Variants in HSF2BP observed in about 807,000 individuals in gnomAD.
HSF2BP encodes the protein heat shock factor 2-binding protein.
In HSF2BP, 35 loss-of-function variants were observed where a neutral mutation model predicts 35.0. The observed-to-expected ratio is 1.00, with a 90% confidence interval of 0.76 to 1.32. The LOEUF is 1.32. HSF2BP is among the 40% of genes most tolerant of loss of function. The pLI, the probability that HSF2BP is intolerant of heterozygous loss-of-function variation, is 0.00. For missense variants in HSF2BP, 326 were observed against 321.7 expected (o/e 1.01, Z -0.10); for synonymous variants, 114 against 117.4 (o/e 0.97, Z 0.18).
chr21:43,605,779 C>T (rs2082128192), intron 7 of HSF2BP, among the ~76,000 whole-genome samples: 1 of 151,756 alleles, frequency 6.6e-6, no homozygotes, highest in Non-Finnish European at 1.5e-5. Context: ...CACACATTCC[C>T]TCACACTCAC....
intron 8 of HSF2BP, among the ~76,000 whole-genome samples, chr21:43,573,930 G>C (rs955904173): frequency 6.6e-6 from 1 of 152,204 alleles, no homozygotes; most frequent in Admixed American, 6.5e-5. Context: ...TTGGAAACTA[G>C]GAAGAAGTCA....
chr21:43,578,191 C>T (rs980503957), intron 8 of HSF2BP, among the ~76,000 whole-genome samples: 5 of 152,112 alleles, frequency 3.3e-5, no homozygotes, highest in Admixed American at 1.3e-4. Flanking sequence ...AACCCATCAC[C>T]GGCACACAGT....
chr21:43,611,928 T>C (rs1300530748), intron 7 of HSF2BP, among the ~76,000 whole-genome samples: 1 of 152,126 alleles, frequency 6.6e-6, no homozygotes, highest in Non-Finnish European at 1.5e-5. Flanking sequence ...GTTTATAAAT[T>C]CCTGGCCTCA....
chr21:43,608,342 G>GA (rs1056002734), intron 7 of HSF2BP, among the ~76,000 whole-genome samples: 6 of 151,960 alleles, frequency 3.9e-5, no homozygotes, highest in Non-Finnish European at 8.8e-5. Context: ...AACGAAACAT[G>GA]AAAAAATGCC....
At chr21:43,599,883 AAGT>A (rs2082031413) in intron 7 of HSF2BP, among the ~76,000 whole-genome samples, 3 of 151,652 alleles carry the variant, frequency 2.0e-5, no homozygotes, top group Non-Finnish European at 4.4e-5. Flanking sequence ...AAAAAAAAAA[AAGT>A]AGGCAAATTC....
chr21:43,617,661 T>C (rs968293595), intron 6 of HSF2BP, among the ~76,000 whole-genome samples: 4 of 151,924 alleles, frequency 2.6e-5, no homozygotes, highest in African/African-American at 9.7e-5. Context: ...ATTACATAAT[T>C]CAAGAAATGG....
intron 7 of HSF2BP, among the ~76,000 whole-genome samples, chr21:43,604,431 C>CAT: frequency 7.3e-6 from 1 of 136,092 alleles, no homozygotes; most frequent in Middle Eastern, 4.4e-3. Flanking sequence ...ACACACCACA[C>CAT]CACACACACA....
At chr21:43,626,234 C>A (rs898013329) in intron 6 of HSF2BP, among the ~76,000 whole-genome samples, 1 of 152,002 alleles carries the variant, frequency 6.6e-6, no homozygotes, top group Non-Finnish European at 1.5e-5. Context: ...CAGACCTACC[C>A]CATTAGGATT....
At chr21:43,634,349 C>T (rs2082524030) in intron 4 of HSF2BP, among the ~76,000 whole-genome samples, 1 of 152,210 alleles carries the variant, frequency 6.6e-6, no homozygotes, top group Admixed American at 6.5e-5. Flanking sequence ...CTCCAACCAC[C>T]AGCACCAGGT....
intron 3 of HSF2BP, among the ~76,000 whole-genome samples, chr21:43,649,290 G>A (rs562978833): frequency 7.9e-5 from 12 of 151,840 alleles, no homozygotes; most frequent in African/African-American, 2.4e-4. Flanking sequence ...AAAATGAGCC[G>A]GGCATGATGG....
the HSF2BP span, among the ~76,000 whole-genome samples, chr21:43,498,729 C>CGGGTTAACACTTTCACGTGGT: frequency 1.7e-5 from 2 of 116,742 alleles, no homozygotes; most frequent in Non-Finnish European, 3.7e-5. Context: ...CTGAGATGAT[C>CGGGTTAACACTTTCACGTGGT]GGGTTAACAC....
At chr21:43,604,950 TACACCACACACACACTAC>T (rs1388476675) in intron 7 of HSF2BP, among the ~76,000 whole-genome samples, 1 of 77,740 alleles carries the variant, frequency 1.3e-5, no homozygotes, top group East Asian at 4.4e-4. Context: ...TCACACACCA[TACACCACACACACACTAC>T]ACACCACACA....
chr21:43,573,739 G>A (rs897425112), intron 8 of HSF2BP, among the ~76,000 whole-genome samples: 4 of 152,094 alleles, frequency 2.6e-5, no homozygotes, highest in African/African-American at 9.7e-5. Context: ...TGGCAGTCTG[G>A]GGGAGGGTGT....
chr21:43,586,762 A>G (rs2081856429), intron 8 of HSF2BP, among the ~76,000 whole-genome samples: 1 of 152,080 alleles, frequency 6.6e-6, no homozygotes, highest in Admixed American at 6.5e-5. Flanking sequence ...AAAAGTAGGA[A>G]CTGATTACTG....
At chr21:43,639,960 G>A (rs553506849) in intron 4 of HSF2BP, among the ~76,000 whole-genome samples, 1 of 152,232 alleles carries the variant, frequency 6.6e-6, no homozygotes, top group East Asian at 1.9e-4. Flanking sequence ...GGAATATGAG[G>A]CAATAAAAAT....
chr21:43,637,506 TAA>T (rs2082579363), intron 4 of HSF2BP, among the ~76,000 whole-genome samples: 1 of 151,566 alleles, frequency 6.6e-6, no homozygotes, highest in Non-Finnish European at 1.5e-5. Context: ...AATAAATAAA[TAA>T]ATAAAAATTC....
chr21:43,610,276 G>A (rs1468695364), intron 7 of HSF2BP, among the ~76,000 whole-genome samples: 1 of 151,982 alleles, frequency 6.6e-6, no homozygotes, highest in Non-Finnish European at 1.5e-5. Flanking sequence ...AAGACAGACA[G>A]ATGATAGGTG....
At chr21:43,611,346 T>A (rs1161703679) in intron 7 of HSF2BP, among the ~76,000 whole-genome samples, 1 of 152,222 alleles carries the variant, frequency 6.6e-6, no homozygotes, top group Middle Eastern at 3.2e-3. Context: ...CTAGAAAGCT[T>A]GGTTCTGGAT....
chr21:43,577,094 T>C (rs932345323), intron 8 of HSF2BP, among the ~76,000 whole-genome samples: 4 of 152,284 alleles, frequency 2.6e-5, no homozygotes, highest in Non-Finnish European at 4.4e-5. Flanking sequence ...GACATGCAGG[T>C]TGGCACTCCA....
Sources: gnomAD v4.1 joint callset for allele counts (sites outside exome capture counted in the v4.1 genomes callset) on GRCh38, gnomAD v4.1.1 for gene constraint, MANE v1.5 for transcripts, NCBI Gene and HGNC (gene_info 2026-07-23, HGNC 2026-07-21) for gene names.